KCNQ1: variants seen among roughly 807,000 people sequenced by gnomAD.
KCNQ1 encodes potassium voltage-gated channel subfamily Q member 1.
In KCNQ1, 49 loss-of-function variants were observed where a neutral mutation model predicts 72.4. The observed-to-expected ratio is 0.68, with a 90% CI of 0.54 to 0.86. The LOEUF (loss-of-function observed/expected upper bound fraction) is 0.86. Ranked by LOEUF, KCNQ1 falls within the 40% of genes least tolerant of loss-of-function variation. The probability of loss-of-function intolerance (pLI) is 0.00; values close to 1 mark genes in which losing one functional copy is unlikely to be tolerated. For synonymous variants in KCNQ1, 450 were observed against 412.6 expected (o/e 1.09, Z -1.10); for missense variants, 790 against 945.1 (o/e 0.84, Z 2.15).
intron 11 of KCNQ1, among the ~76,000 whole-genome samples, chr11:2,747,676 C>T (rs750636607): frequency 6.6e-6 from 1 of 152,194 alleles, no homozygotes; most frequent in Non-Finnish European, 1.5e-5. Flanking sequence ...GTGGACACGT[C>T]TGGGCAGGCT....
intron 8 of KCNQ1, among the ~76,000 whole-genome samples, chr11:2,587,111 C>T (rs976338736): frequency 6.6e-6 from 1 of 152,220 alleles, no homozygotes; most frequent in African/African-American, 2.4e-5. Context: ...CTGCCTCTCC[C>T]TGCCCCCTGC....
intron 10 of KCNQ1, among the ~76,000 whole-genome samples, chr11:2,589,611 C>T (rs936520597): frequency 3.9e-5 from 6 of 152,076 alleles, no homozygotes; most frequent in East Asian, 1.9e-4. Context: ...GTGGCTCCCA[C>T]GAGTGAGGCC....
At position 2,762,346 on chromosome 11, in the gene KCNQ1, G is replaced by T. The variant is rs534785272; in HGVS notation, c.1515-6498G>T. Among the ~76,000 whole-genome samples, 40 of 152,226 alleles carry T rather than the reference G, an allele frequency of 2.6e-4. No individual in the cohort carries two copies. The highest frequency in any genetic ancestry group is 5.3e-4 in the Non-Finnish European group (36 of 68,046). ...CTTCGACAGGCCCGATTGCCTCATA[G>T]TTAGGCCTGTGACTCTCCCTGGGTT... On this transcript the variant is annotated intron_variant, in intron 11 of 15. Transcript: ENST00000155840. The surrounding 1 kb of genome is among the most constrained non-coding windows in gnomAD (Gnocchi z 4.3).
At position 2,847,771 on chromosome 11, in the gene KCNQ1, C is replaced by T. The variant is rs34516117; in HGVS notation, c.1799C>T (p.Thr600Met). 167 of 1,573,298 alleles carry T rather than the reference C, an allele frequency of 1.1e-4. No individual in the cohort carries two copies. The African/African-American group carries it at 2.0e-3, about 19-fold the overall frequency. ...CGTCTGCCTTTGTCCCCGCAGGTGA[C>T]GCAGCTGGACCAGAGGCTGGCACTC... ...ARLNRVEDKV[T>M]QLDQRLALIT... The change falls in exon 16 of 16, where the codon ACG (threonine) becomes ATG (methionine). Residue 600 changes from threonine to methionine, a missense_variant. This residue lies in a region of KCNQ1 where 91 missense variants were observed against 139.1 expected (regional missense o/e 0.65). Transcript: ENST00000155840.
chr11:2,654,099 T>A lies in KCNQ1; in HGVS notation c.1394-7862T>A, dbSNP rs1849799365. 2 of 398,774 alleles carry A rather than the reference T, an allele frequency of 5.0e-6. No homozygotes were observed. The highest frequency in any genetic ancestry group is 7.1e-5 in the East Asian group (2 of 28,076). The allele number at this position is 398,774 out of a possible 1,614,324, so 24.7% of individuals were successfully genotyped here. ...CCATCCATGTCCCTTACTTCTCGCC[T>A]CTGAGTGGAGACACAGGTGGTGGCG... On this transcript the variant is annotated intron_variant, in intron 10 of 15. Transcript: ENST00000155840. The surrounding 1 kb of genome is among the most constrained non-coding windows in gnomAD (Gnocchi z 6.4).
rs1193618397 is a variant in KCNQ1, at chr11:2,498,026, C to T, written c.387-29902C>T. Among the ~76,000 whole-genome samples the T allele has an allele frequency of 6.6e-6, 1 of 152,190 alleles. No homozygotes were observed. The highest frequency in any genetic ancestry group is 1.9e-4 in the East Asian group (1 of 5,188). On this transcript the variant is annotated intron_variant, in intron 1 of 15. Transcript: ENST00000155840. This position sits in a 1 kb window ranked among gnomAD's most constrained non-coding sequence, Gnocchi z 4.8. ...GCTGCAGAACAGCAAAGATTGCTGC[C>T]TACTCCTTCCTCTGGAAGCTTTGTC...
rs7942492 is a variant in KCNQ1, at chr11:2,564,749, C to T, written c.478-5879C>T. 6.6e-6 allele frequency among the ~76,000 whole-genome samples: 1 copy of T among 152,166 alleles called. No individual in the cohort carries two copies. The highest frequency in any genetic ancestry group is 1.5e-5 in the Non-Finnish European group (1 of 68,040). On this transcript the variant is annotated intron_variant, in intron 2 of 15. Transcript: ENST00000155840. This position sits in a 1 kb window ranked among gnomAD's most constrained non-coding sequence, Gnocchi z 4.5. Reference sequence around the variant, plus strand: ...ATTAAACACTCACTCCCTACTCCCCCTTCCCCAGCCCCTGGCGCCCATCAT... The same window carrying T: ...ATTAAACACTCACTCCCTACTCCCCTTTCCCCAGCCCCTGGCGCCCATCAT...
intron 8 of KCNQ1, 114 bp downstream of exon 8, chr11:2,585,421 C>G: frequency 1.0e-6 from 1 of 952,552 alleles, no homozygotes. Context: ...GCTTGGCTGG[C>G]CTGTGGGGCA....
At chr11:2,777,949 C>T in intron 14 of KCNQ1, 27 bp from the exon 15 acceptor site, 4 of 1,612,982 alleles carry the variant, frequency 2.5e-6, no homozygotes, top group Non-Finnish European at 2.5e-6. Context: ...GCACTTGGCC[C>T]TGATTTGGGT....
chr11:2,799,985 A>T (rs557466829), intron 15 of KCNQ1, among the ~76,000 whole-genome samples: 1 of 152,288 alleles, frequency 6.6e-6, no homozygotes, highest in South Asian at 2.1e-4. Flanking sequence ...AGGCCTGGGT[A>T]GCTGCCTAAG....
rs1849004557 is a variant in KCNQ1 at position 2,612,918 on chromosome 11, G to A, written c.1393+24064G>A. The stretch of plus-strand genomic sequence containing the variant: ...TACTCATTTATTTGTTTGCTCGCTT[G>A]TGTATGCCTTCTCTGCATGGATTCT... On this transcript the variant is annotated intron_variant, in intron 10 of 15. Transcript: ENST00000155840. The surrounding 1 kb of genome is among the most constrained non-coding windows in gnomAD (Gnocchi z 5.5). 1 of 398,558 alleles carries A rather than the reference G, an allele frequency of 2.5e-6. No individual in the cohort carries two copies. Among genetic ancestry groups the A allele is most frequent in the East Asian group, 3.6e-5 (1 of 28,068 alleles). 24.7% of individuals were successfully genotyped at this position (398,558 alleles called of 1,614,324 possible). A position where few individuals can be genotyped will look rare whatever the true frequency, so the allele number is the denominator to read the frequency against.
chr11:2,723,118 G>A lies in KCNQ1; in HGVS notation c.1515-45726G>A, dbSNP rs1196401781. On this transcript the variant is annotated intron_variant, in intron 11 of 15. Transcript: ENST00000155840. This position sits in a 1 kb window ranked among gnomAD's most constrained non-coding sequence, Gnocchi z 4.2. ...CAGACGGATCCTGAAAACAGGCTCC[G>A]CCTTCCTCTGTGGCTCTGCCTTCCT... Among the ~76,000 whole-genome samples the A allele has an allele frequency of 2.0e-5, 3 of 152,212 alleles. No homozygotes were observed. Among genetic ancestry groups the A allele is most frequent in the East Asian group, 1.9e-4 (1 of 5,200 alleles).
intron 1 of KCNQ1, among the ~76,000 whole-genome samples, chr11:2,499,533 C>CCCA (rs761604921): frequency 0.013 from 1,682 of 128,930 alleles, 31 homozygotes; most frequent in East Asian, 0.026. Context: ...CCTGCCCCCA[C>CCCA]AAAAAAAGAC....
rs934235281 is a variant in KCNQ1, at chr11:2,647,815, A to T, written c.1394-14146A>T. Reference sequence around the variant, plus strand: ...ATAATGGTCTCTAATAATCTTTTGTATTTCTGTGGTGTCCATTGTAAGTCT... The same window carrying T: ...ATAATGGTCTCTAATAATCTTTTGTTTTTCTGTGGTGTCCATTGTAAGTCT... On this transcript the variant is annotated intron_variant, in intron 10 of 15. Coordinates refer to ENST00000155840, the MANE Select transcript of KCNQ1 (RefSeq NM_000218.3). This position sits in a 1 kb window ranked among gnomAD's most constrained non-coding sequence, Gnocchi z 4.0. 7 of 397,952 alleles carry T rather than the reference A, an allele frequency of 1.8e-5. No individual in the cohort carries two copies. The highest frequency in any genetic ancestry group is 3.1e-5 in the Non-Finnish European group (7 of 225,978). 24.7% of individuals were successfully genotyped at this position (397,952 alleles called of 1,614,324 possible).
chr11:2,577,029 C>A (rs1848432849), intron 6 of KCNQ1, among the ~76,000 whole-genome samples: 2 of 152,228 alleles, frequency 1.3e-5, no homozygotes, highest in Non-Finnish European at 2.9e-5. Context: ...TCTCCCAGGG[C>A]CAATGCAGGG....
chr11:2,777,059 G>T, intron 14 of KCNQ1, 27 bp downstream of exon 14: 1 of 1,612,610 alleles, frequency 6.2e-7, no homozygotes, highest in Non-Finnish European at 8.5e-7. Flanking sequence ...GTTACTCTGG[G>T]CCCAGCAGCC....
At chr11:2,847,287 C>T (rs1447292101) in intron 15 of KCNQ1, among the ~76,000 whole-genome samples, 1 of 152,210 alleles carries the variant, frequency 6.6e-6, no homozygotes, top group Non-Finnish European at 1.5e-5. Flanking sequence ...CTGTCCAGTT[C>T]TCCTCCAGAC....
At chr11:2,580,065 A>T (rs936471693) in intron 6 of KCNQ1, among the ~76,000 whole-genome samples, 20 of 152,154 alleles carry the variant, frequency 1.3e-4, no homozygotes, top group African/African-American at 4.8e-4. Context: ...AAAATAATTT[A>T]ATGTTGTTAT....
chr11:2,790,006 C>T (rs574702421), intron 15 of KCNQ1, among the ~76,000 whole-genome samples: 225 of 152,282 alleles, frequency 1.5e-3, no homozygotes, highest in African/African-American at 5.0e-3. Flanking sequence ...TGGCAAAGGG[C>T]ACTTGTCAGC....
Sources: gnomAD v4.1 joint callset for allele counts (sites outside exome capture counted in the v4.1 genomes callset) on GRCh38, gnomAD v4.1.1 for gene constraint, gnomAD v4.1.1 regional missense constraint, Gnocchi (gnomAD v3.1) non-coding constraint, MANE v1.5 for transcripts, NCBI Gene and HGNC (gene_info 2026-07-23, HGNC 2026-07-21) for gene names.